IFI44L: variants seen among roughly 807,000 people sequenced by gnomAD.
IFI44L encodes interferon-induced protein 44-like.
A neutral mutation model predicts 39.3 loss-of-function variants in IFI44L; 40 were observed. That is an observed-to-expected ratio of 1.02 (90% CI 0.79 to 1.33). The LOEUF is 1.33. Among genes scored for constraint, IFI44L ranks in the 40% most tolerant of loss-of-function variants. The pLI is 0.00. For synonymous variants in IFI44L, 198 were observed against 182.3 expected, an observed-to-expected ratio of 1.09 and a Z score of -0.69; for missense variants, 623 against 549.0, an observed-to-expected ratio of 1.13 and a Z score of -1.35.
At chr1:78,635,636 A>T in intron 5 of IFI44L, 147 bp downstream of exon 5, 1 of 686,616 alleles carries the variant, frequency 1.5e-6, no homozygotes, top group Non-Finnish European at 2.4e-6. Flanking sequence ...ATAAGAATTC[A>T]TATGAAAAAG....
rs1200783616 is a variant in IFI44L at position 78,629,801 on chromosome 1, G to A, written c.609G>A (p.Val203=). The A allele has an allele frequency of 2.5e-6, 4 of 1,613,540 alleles. No homozygotes were observed. Among genetic ancestry groups the A allele is most frequent in the Non-Finnish European group, 2.5e-6 (3 of 1,179,716 alleles). The stretch of plus-strand genomic sequence containing the variant: ...TTTCAGAAATTCGTATTCTTTTGGT[G>A]GGTCCAGTTGGGTCTGGAAAGTCCA... ...DLVSEIRILL[V]GPVGSGKSSF... Residue 203 remains valine (V), a synonymous_variant, in exon 4 of 9, where the codon GTG becomes GTA. Transcript: ENST00000370751.
At position 78,635,648 on chromosome 1, in the gene IFI44L, A is replaced by T. The variant is rs533382129; in HGVS notation, c.876+159A>T. ...TGAATAAGAATTCATATGAAAAAGT[A>T]GAGTGACTATTGTTCTTTTCTGTAA... On this transcript the variant is annotated intron_variant, in intron 5 of 8. Transcript: ENST00000370751. 2.9e-5 allele frequency: 19 copies of T among 648,412 alleles called. 2 individuals carry two copies. The South Asian group carries it at 3.8e-4, about 13-fold the overall frequency. 40.2% of individuals were successfully genotyped at this position (648,412 alleles called of 1,614,324 possible). A position where few individuals can be genotyped will look rare whatever the true frequency, so the allele number is the denominator to read the frequency against.
Position 78,635,432 on chromosome 1 carries a change from A to T in IFI44L, c.819A>T (p.Gly273=), listed in dbSNP as rs1188105522. 1 of 1,613,734 alleles carries T rather than the reference A, an allele frequency of 6.2e-7. No homozygotes were observed. The highest frequency in any genetic ancestry group is 1.1e-5 in the South Asian group (1 of 91,056). The part of the protein sequence containing the change: ...TMGLDGAEGA[G]LCMDDIPHIL... ...GGCTAGATGGGGCAGAAGGAGCAGG[A>T]CTGTGCATGGATGACATTCCCCACA... Residue 273 remains glycine (G), a synonymous_variant, in exon 5 of 9, where the codon GGA becomes GGT. Coordinates refer to ENST00000370751, the MANE Select transcript of IFI44L (RefSeq NM_006820.4).
At position 78,620,515 on chromosome 1, in the gene IFI44L, T is replaced by A. The variant is rs1652236229; in HGVS notation, c.-67T>A. On this transcript the variant is annotated 5_prime_UTR_variant, in exon 1 of 9. Transcript: ENST00000370751. Reference sequence around the variant, plus strand: ...CTGTCTCCAAACCGTGGCTGCTCGATAAATCAGACAGAACAGTTAATCCTC... The same window carrying A: ...CTGTCTCCAAACCGTGGCTGCTCGAAAAATCAGACAGAACAGTTAATCCTC... 2 of 152,226 alleles carry A rather than the reference T, an allele frequency of 1.3e-5. No homozygotes were observed. The highest frequency in any genetic ancestry group is 2.9e-5 in the Non-Finnish European group (2 of 68,042). The allele number at this position is 152,226 out of a possible 1,614,324, so 9.4% of individuals were successfully genotyped here. A position where few individuals can be genotyped will look rare whatever the true frequency, so the allele number is the denominator to read the frequency against.
chr1:78,628,423 A>C, intron 2 of IFI44L, 30 bp downstream of exon 2: 12 of 1,211,404 alleles, frequency 9.9e-6, no homozygotes, highest in African/African-American at 1.5e-5. Flanking sequence ...CCTACATCTC[A>C]CATTATGATT....
chr1:78,635,716 A>T (rs911029860), intron 5 of IFI44L: 1 of 528,402 alleles, frequency 1.9e-6, no homozygotes, highest in African/African-American at 1.9e-5. Flanking sequence ...ACTCATTTGC[A>T]TTCTAGTAAA....
intron 1 of IFI44L, among the ~76,000 whole-genome samples, chr1:78,625,164 C>T (rs1652438837): frequency 6.6e-6 from 1 of 151,514 alleles, no homozygotes; most frequent in African/African-American, 2.4e-5. Context: ...GCTTATAACG[C>T]CATTAACAGG....
At position 78,643,160 on chromosome 1, in the gene IFI44L, T is replaced by TTTTTTTTTTTTTTTTTTTTTTTTTTGAG. The variant is rs1367397714; in HGVS notation, c.*1351_*1352insTTTTTTTTTTTTTTTTTTTTTTTTTGAG. 2.6e-5 allele frequency: 4 copies of TTTTTTTTTTTTTTTTTTTTTTTTTTGAG among 151,870 alleles called. No homozygotes were observed. Among genetic ancestry groups the TTTTTTTTTTTTTTTTTTTTTTTTTTGAG allele is most frequent in the African/African-American group, 4.8e-5 (2 of 41,428 alleles). 9.4% of individuals were successfully genotyped at this position (151,870 alleles called of 1,614,324 possible). A position where few individuals can be genotyped will look rare whatever the true frequency, so the allele number is the denominator to read the frequency against. ...AGATATTAAGAAAGCAAGAGTTTCT[T>TTTTTTTTTTTTTTTTTTTTTTTTTTGAG]ATGTCCAGTTATGGAATATTTCCTA... On this transcript the variant is annotated 3_prime_UTR_variant, in exon 9 of 9. Coordinates refer to ENST00000370751, the MANE Select transcript of IFI44L (RefSeq NM_006820.4).
At chr1:78,626,618 G>C (rs1652496099) in intron 1 of IFI44L, 1 of 152,026 alleles carries the variant, frequency 6.6e-6, no homozygotes, top group Non-Finnish European at 1.5e-5. Flanking sequence ...GAATACTGAA[G>C]TATGAAATTA....
At chr1:78,640,601 G>A (rs1054390189) in intron 6 of IFI44L, among the ~76,000 whole-genome samples, 1 of 152,070 alleles carries the variant, frequency 6.6e-6, no homozygotes, top group Non-Finnish European at 1.5e-5. Context: ...TGTGGTTTGA[G>A]GGAGAAAGGA....
rs1349915879 is a variant in IFI44L, at chr1:78,620,462, C to G, written c.-120C>G. 2 of 152,156 alleles carry G rather than the reference C, an allele frequency of 1.3e-5. No homozygotes were observed. The highest frequency in any genetic ancestry group is 2.9e-5 in the Non-Finnish European group (2 of 68,028). The allele number at this position is 152,156 out of a possible 1,614,324, so 9.4% of individuals were successfully genotyped here. A position where few individuals can be genotyped will look rare whatever the true frequency, so the allele number is the denominator to read the frequency against. ...CAGTTTTCTTTCTTTCCTAGAGTCT[C>G]TGAAGCCACAGATCTCTTAAGAACT... On this transcript the variant is annotated 5_prime_UTR_variant, in exon 1 of 9. Coordinates refer to ENST00000370751, the MANE Select transcript of IFI44L (RefSeq NM_006820.4).
rs1433432072 is a variant in IFI44L at position 78,642,703 on chromosome 1, ACT to A, written c.*897_*898del. On this transcript the variant is annotated 3_prime_UTR_variant, in exon 9 of 9. Coordinates refer to ENST00000370751, the MANE Select transcript of IFI44L (RefSeq NM_006820.4). ...TTATATCTGAATGAAAATATGAATG[ACT>A]CTAAGTAATTGAATTAATTAAAATG... is the stretch of plus-strand genomic sequence containing the variant. The A allele has an allele frequency of 6.6e-6, 1 of 152,036 alleles. No homozygotes were observed. Among genetic ancestry groups the A allele is most frequent in the Non-Finnish European group, 1.5e-5 (1 of 67,994 alleles). The allele number at this position is 152,036 out of a possible 1,614,324, so 9.4% of individuals were successfully genotyped here. A position where few individuals can be genotyped will look rare whatever the true frequency, so the allele number is the denominator to read the frequency against.
Position 78,635,504 on chromosome 1 carries a change from A to G in IFI44L, c.876+15A>G, listed in dbSNP as rs1652914512. 1.2e-6 allele frequency: 2 copies of G among 1,603,994 alleles called. No homozygotes were observed. Among genetic ancestry groups the G allele is most frequent in the Admixed American group, 1.7e-5 (1 of 57,642 alleles). On this transcript the variant is annotated intron_variant, in intron 5 of 8. Coordinates refer to ENST00000370751, the MANE Select transcript of IFI44L (RefSeq NM_006820.4). ...ACAGATATCAGGTAAGATTTCTTCA[A>G]TATCCAAAACATTTCAAATCATTTT...
At chr1:78,629,137 A>T in intron 3 of IFI44L, 138 bp downstream of exon 3, 1 of 658,358 alleles carries the variant, frequency 1.5e-6, no homozygotes, top group Non-Finnish European at 2.7e-6. Flanking sequence ...TTGACATAAA[A>T]TAACAAAAGC....
intron 1 of IFI44L, among the ~76,000 whole-genome samples, chr1:78,624,938 A>C (rs1652428352): frequency 6.6e-6 from 1 of 152,144 alleles, no homozygotes; most frequent in Non-Finnish European, 1.5e-5. Flanking sequence ...TACCATTTGC[A>C]AAGGTACCCT....
chr1:78,639,860 C>T (rs1043286594), intron 6 of IFI44L, among the ~76,000 whole-genome samples: 6 of 151,990 alleles, frequency 3.9e-5, no homozygotes, highest in Admixed American at 1.3e-4. Flanking sequence ...AGTGCTATGC[C>T]GTTTAATGTA....
intron 4 of IFI44L, among the ~76,000 whole-genome samples, chr1:78,634,769 T>G (rs974463211): frequency 3.3e-5 from 5 of 151,412 alleles, no homozygotes; most frequent in African/African-American, 1.2e-4. Flanking sequence ...ACATGCAATA[T>G]GGAAAGATGT....
rs923598671 is a variant in IFI44L at position 78,642,050 on chromosome 1, T to G, written c.*241T>G. On this transcript the variant is annotated 3_prime_UTR_variant, in exon 9 of 9. Coordinates refer to ENST00000370751, the MANE Select transcript of IFI44L (RefSeq NM_006820.4). ...TTACAATTCAGTTTCTGTGACATCT[T>G]TTTAAACCACTGGAGGAAAAATGAG... 1.7e-6 allele frequency: 1 copy of G among 586,144 alleles called. No homozygotes were observed. Among genetic ancestry groups the G allele is most frequent in the Non-Finnish European group, 3.0e-6 (1 of 328,438 alleles). 36.3% of individuals were successfully genotyped at this position (586,144 alleles called of 1,614,324 possible).
intron 3 of IFI44L, 134 bp downstream of exon 3, chr1:78,629,133 T>TA (rs940096546): frequency 6.0e-6 from 4 of 664,084 alleles, no homozygotes; most frequent in Non-Finnish European, 1.1e-5. Flanking sequence ...GTTATTGACA[T>TA]AAAATAACAA....
Sources: gnomAD v4.1 joint callset for allele counts (sites outside exome capture counted in the v4.1 genomes callset) on GRCh38, gnomAD v4.1.1 for gene constraint, MANE v1.5 for transcripts, NCBI Gene and HGNC (gene_info 2026-07-23, HGNC 2026-07-21) for gene names.